The following AREL1 variants were observed in gnomAD, a reference collection of about 807,000 sequenced individuals.
AREL1 encodes apoptosis-resistant E3 ubiquitin protein ligase 1.
Under a neutral mutation model 99.0 loss-of-function variants are expected in AREL1, and 62 were observed. That is an observed-to-expected ratio of 0.63 (90% CI 0.51 to 0.77). The LOEUF (loss-of-function observed/expected upper bound fraction) is 0.77. Ranked by LOEUF, AREL1 falls within the 30% of genes least tolerant of loss-of-function variation. The pLI is 0.00. For synonymous variants in AREL1, 380 were observed against 376.5 expected (o/e 1.01, Z -0.11); for missense variants, 879 against 1,027.6 (o/e 0.86, Z 1.98).
intron 1 of AREL1, among the ~76,000 whole-genome samples, chr14:74,699,667 T>C (rs781290548): frequency 6.6e-6 from 1 of 152,224 alleles, no homozygotes; most frequent in East Asian, 1.9e-4. Flanking sequence ...AAATATGCCA[T>C]AGGAACTTAA....
intron 2 of AREL1, among the ~76,000 whole-genome samples, chr14:74,688,304 C>T (rs913368546): frequency 2.6e-5 from 4 of 152,000 alleles, no homozygotes; most frequent in Non-Finnish European, 4.4e-5. Flanking sequence ...GGATTACAGG[C>T]GTGAGCCACC....
At chr14:74,668,253 T>G (rs752881821) in intron 15 of AREL1, among the ~76,000 whole-genome samples, 1 of 152,210 alleles carries the variant, frequency 6.6e-6, no homozygotes, top group African/African-American at 2.4e-5. Flanking sequence ...AATAAACTCC[T>G]AAGGGAACTT....
At chr14:74,712,795 G>A (rs962860712) in intron 1 of AREL1, 138 bp downstream of exon 1, 2 of 373,668 alleles carry the variant, frequency 5.4e-6, no homozygotes, top group African/African-American at 4.2e-5. Context: ...AACGCTACAG[G>A]GTGAGGAGAA....
chr14:74,674,196 T>A (rs1008983804), intron 8 of AREL1, 85 bp from the exon 9 acceptor site: 13 of 1,125,572 alleles, frequency 1.2e-5, no homozygotes, highest in Admixed American at 2.0e-5. Flanking sequence ...TCATAGTCCC[T>A]ATTTACATTT....
At chr14:74,687,135 C>T (rs906090327) in intron 2 of AREL1, among the ~76,000 whole-genome samples, 3 of 152,172 alleles carry the variant, frequency 2.0e-5, no homozygotes, top group Non-Finnish European at 2.9e-5. Flanking sequence ...TTCGATCTGA[C>T]CCTAGATGTG....
chr14:74,682,172 C>T (rs767543375), intron 5 of AREL1, among the ~76,000 whole-genome samples: 11 of 152,092 alleles, frequency 7.2e-5, no homozygotes, highest in South Asian at 2.1e-4. Context: ...GAAAGAGAGA[C>T]GGCTTGAGAG....
At position 74,669,581 on chromosome 14, in the gene AREL1, T is replaced by G. The variant is rs922849436; in HGVS notation, c.1914+68A>C. On this transcript the variant is annotated intron_variant, in intron 15 of 19. Coordinates refer to ENST00000356357, the MANE Select transcript of AREL1 (RefSeq NM_001039479.2). ...ACATTTCCACCACTGCAGAAAGTTC[T>G]CTTAGACAGTCCTGCTCTACAGGAA... is the stretch of plus-strand genomic sequence containing the variant. The G allele has an allele frequency of 7.7e-6, 12 of 1,552,540 alleles. No individual in the cohort carries two copies. In the African/African-American group the frequency reaches 1.4e-4, roughly 18 times the overall value.
chr14:74,690,256 C>A (rs1186113685), intron 2 of AREL1, among the ~76,000 whole-genome samples: 5 of 136,272 alleles, frequency 3.7e-5, no homozygotes, highest in Non-Finnish European at 8.1e-5. Context: ...AGAGCAAGAC[C>A]CTGTCTCCAA....
At chr14:74,687,815 T>A (rs2089780408) in intron 2 of AREL1, among the ~76,000 whole-genome samples, 1 of 152,122 alleles carries the variant, frequency 6.6e-6, no homozygotes, top group East Asian at 1.9e-4. Context: ...ACTTCAAAGC[T>A]GATAGGAAAC....
At chr14:74,703,661 T>C (rs548710026) in intron 1 of AREL1, among the ~76,000 whole-genome samples, 1 of 152,214 alleles carries the variant, frequency 6.6e-6, no homozygotes, top group East Asian at 1.9e-4. Flanking sequence ...TGTTACACAT[T>C]TCGGTAGTTC....
intron 1 of AREL1, among the ~76,000 whole-genome samples, chr14:74,704,510 A>G (rs1315716664): frequency 6.6e-6 from 1 of 152,154 alleles, no homozygotes; most frequent in Admixed American, 6.5e-5. Context: ...CAAAGAAGGC[A>G]ATCAGATATG....
At chr14:74,677,004 T>G (rs1411729887) in intron 5 of AREL1, among the ~76,000 whole-genome samples, 2 of 151,894 alleles carry the variant, frequency 1.3e-5, no homozygotes, top group South Asian at 2.1e-4. Context: ...TTTCACTGTG[T>G]TAGCCAGGAT....
chr14:74,688,073 T>G (rs1434331500), intron 2 of AREL1, among the ~76,000 whole-genome samples: 1 of 145,156 alleles, frequency 6.9e-6, no homozygotes, highest in Non-Finnish European at 1.5e-5. Context: ...TCACCCAGGC[T>G]GGAGTGCAGT....
chr14:74,672,449 T>C (rs1368944929), intron 11 of AREL1, among the ~76,000 whole-genome samples: 2 of 152,234 alleles, frequency 1.3e-5, no homozygotes, highest in African/African-American at 4.8e-5. Flanking sequence ...ATGAAAAAGA[T>C]AACCAGATCA....
In AREL1 at chr14:74,673,143, C is replaced by G; in HGVS notation, c.1234G>C (p.Glu412Gln). 1 of 1,614,132 alleles carries G rather than the reference C, an allele frequency of 6.2e-7. No homozygotes were observed. The highest frequency in any genetic ancestry group is 8.5e-7 in the Non-Finnish European group (1 of 1,180,032). ...ATGTTCCTCTCCTTACAGCTGAGCT[C>G]CACAGGAGGTTGAATGCCATCATCC... Reference protein sequence around the residue: ...VVDDGIQPPVELSCKERNILA... With the variant: ...VVDDGIQPPVQLSCKERNILA... Residue 412 changes from glutamate (E) to glutamine (Q), a missense_variant, in exon 10 of 20, where the codon GAG becomes CAG. By Grantham distance (29) the Glu-to-Gln change is conservative. Coordinates refer to ENST00000356357, the MANE Select transcript of AREL1 (RefSeq NM_001039479.2).
At position 74,671,481 on chromosome 14, in the gene AREL1, A is replaced by G. The variant is rs770390350; in HGVS notation, c.1425T>C (p.Ser475=). 3 of 1,593,004 alleles carry G rather than the reference A, an allele frequency of 1.9e-6. No homozygotes were observed. Among genetic ancestry groups the G allele is most frequent in the Middle Eastern group, 1.7e-4 (1 of 6,004 alleles). ...KVSRHALLES[S]LKATRNFSIS... is the part of the protein sequence containing the mutation. ...TGGAGAAATTCCGAGTGGCTTTCAGAGACTGAAAAGAAGTGAAAGGAAGGG... is the reference window on the plus strand; with the variant it reads ...TGGAGAAATTCCGAGTGGCTTTCAGGGACTGAAAAGAAGTGAAAGGAAGGG... Residue 475 remains serine, a splice_region_variant and synonymous_variant, in exon 12 of 20, where the codon TCT becomes TCC. Coordinates refer to ENST00000356357, the MANE Select transcript of AREL1 (RefSeq NM_001039479.2).
intron 8 of AREL1, among the ~76,000 whole-genome samples, chr14:74,674,539 G>A (rs1174372703): frequency 6.6e-6 from 1 of 152,096 alleles, no homozygotes; most frequent in Non-Finnish European, 1.5e-5. Flanking sequence ...GAGGCAGAGG[G>A]TGCAGTGAGC....
rs2089731234 is a variant in AREL1, at chr14:74,685,643, C to T, written c.-28G>A. On this transcript the variant is annotated 5_prime_UTR_variant, in exon 3 of 20. Coordinates refer to ENST00000356357, the MANE Select transcript of AREL1 (RefSeq NM_001039479.2). Reference sequence around the variant, plus strand: ...GGTCCCGTCAATGCCAACAGACAGCCGAGGATCACAGCTGCAGCTGTTAAA... The same window carrying T: ...GGTCCCGTCAATGCCAACAGACAGCTGAGGATCACAGCTGCAGCTGTTAAA... 2 of 1,614,018 alleles carry T rather than the reference C, an allele frequency of 1.2e-6. No homozygotes were observed. The highest frequency in any genetic ancestry group is 1.7e-6 in the Non-Finnish European group (2 of 1,179,944).
At chr14:74,704,631 G>C (rs994371249) in intron 1 of AREL1, among the ~76,000 whole-genome samples, 7 of 152,100 alleles carry the variant, frequency 4.6e-5, no homozygotes, top group African/African-American at 1.7e-4. Flanking sequence ...GGGGCCCCAA[G>C]ACTTATTTTC....
Sources: allele counts gnomAD v4.1 joint callset (sites outside exome capture counted in the v4.1 genomes callset), GRCh38; gene constraint gnomAD v4.1.1; transcripts MANE v1.5; gene names NCBI Gene and HGNC (gene_info 2026-07-23, HGNC 2026-07-21).